Variants in RNASET2 observed in about 807,000 individuals in gnomAD.
RNASET2 encodes ribonuclease 6.
RNASET2 carries 28 observed loss-of-function variants against 33.9 expected under a neutral mutation model. The observed-to-expected ratio is 0.83, with a 90% CI of 0.61 to 1.13. The LOEUF is 1.13. Among genes scored for constraint, RNASET2 ranks in the 50% most tolerant of loss-of-function variants. The pLI is 0.00. For missense variants in RNASET2, 330 were observed against 319.9 expected (o/e 1.03, Z -0.24); for synonymous variants, 123 against 121.0 (o/e 1.02, Z -0.11).
At position 166,923,228 on chromosome 6, in the gene RNASET2, C is replaced by CTTT. The variant is rs576639665; in HGVS notation, c.*6357_*6359dup. ...ACAGGCGTGAGCCACCAGGCCCGGC[C>CTTT]TTTTTTTTTTTTTTTTTTTTTGAGA... On this transcript the variant is annotated 3_prime_UTR_variant, in exon 9 of 9. Transcript: ENST00000508775. Among the ~76,000 whole-genome samples the CTTT allele has an allele frequency of 4.3e-3, 439 of 102,642 alleles. 41 individuals are homozygous for CTTT. Among genetic ancestry groups the CTTT allele is most frequent in the African/African-American group, 0.02 (392 of 19,130 alleles). The allele number at this position is 102,642 out of a possible 152,430, so 67.3% of individuals were successfully genotyped here.
At chr6:166,955,585 C>T (rs1779144840) in intron 1 of RNASET2, 1 of 992,276 alleles carries the variant, frequency 1.0e-6, no homozygotes, top group South Asian at 4.4e-5. Context: ...AGTGCTCCAC[C>T]AAGCCTGCCA....
intron 8 of RNASET2, among the ~76,000 whole-genome samples, chr6:166,930,791 T>C (rs1778412795): frequency 7.0e-6 from 1 of 143,434 alleles, no homozygotes; most frequent in Admixed American, 7.0e-5. Flanking sequence ...ACATAGCACA[T>C]GCCCACATGC....
At chr6:166,930,833 C>A (rs764171588) in intron 8 of RNASET2, among the ~76,000 whole-genome samples, 4 of 146,088 alleles carry the variant, frequency 2.7e-5, no homozygotes, top group South Asian at 2.2e-4. Context: ...TAGCACATGC[C>A]CACATGCATG....
At chr6:166,929,982 C>T (rs1396954572) in intron 8 of RNASET2, among the ~76,000 whole-genome samples, 191 bp from the exon 9 acceptor site, 1 of 152,162 alleles carries the variant, frequency 6.6e-6, no homozygotes, top group Non-Finnish European at 1.5e-5. Context: ...AGGAGTGGCC[C>T]CAGGTGACTC....
intron 6 of RNASET2, among the ~76,000 whole-genome samples, chr6:166,935,470 G>A (rs1414862686): frequency 1.3e-5 from 2 of 152,136 alleles, no homozygotes; most frequent in East Asian, 3.9e-4. Flanking sequence ...GTGGGGAAAT[G>A]CAGCACCTAA....
chr6:166,939,415 T>C (rs895509769), intron 5 of RNASET2, among the ~76,000 whole-genome samples: 3 of 152,224 alleles, frequency 2.0e-5, no homozygotes, highest in African/African-American at 4.8e-5. Flanking sequence ...GTGGTAGGCA[T>C]GTCATTTCTT....
intron 1 of RNASET2, 118 bp from the exon 2 acceptor site, chr6:166,952,666 A>G (rs918984141): frequency 2.5e-6 from 2 of 795,102 alleles, no homozygotes; most frequent in Non-Finnish European, 2.2e-6. Flanking sequence ...GGGAGGAGGA[A>G]CACTGCCTGC....
At chr6:166,935,815 T>C (rs1778552712) in intron 6 of RNASET2, among the ~76,000 whole-genome samples, 1 of 152,112 alleles carries the variant, frequency 6.6e-6, no homozygotes, top group African/African-American at 2.4e-5. Context: ...GTAGCTAGGA[T>C]TACGTGCACC....
intron 1 of RNASET2, chr6:166,955,592 G>C (rs1457582369): frequency 5.0e-6 from 5 of 991,874 alleles, no homozygotes; most frequent in Admixed American, 6.0e-5. Flanking sequence ...CACCAAGCCT[G>C]CCACCTGCTT....
intron 6 of RNASET2, among the ~76,000 whole-genome samples, chr6:166,937,790 C>G (rs1778603088): frequency 6.6e-6 from 1 of 152,192 alleles, no homozygotes; most frequent in Non-Finnish European, 1.5e-5. Context: ...TAATGCCACG[C>G]GCTCTGGGAG....
chr6:166,955,744 C>T, intron 1 of RNASET2: 1 of 1,174,486 alleles, frequency 8.5e-7, no homozygotes, highest in Non-Finnish European at 1.1e-6. Context: ...CAACCCACTT[C>T]TTCCCAGGAG....
intron 1 of RNASET2, among the ~76,000 whole-genome samples, chr6:166,953,879 C>CAAAAAAAAAAAAAAA (rs548523987): frequency 2.7e-5 from 3 of 110,734 alleles, no homozygotes; most frequent in East Asian, 2.8e-4. Flanking sequence ...GACCCTGTCT[C>CAAAAAAAAAAAAAAA]AAAAAAAAAA....
chr6:166,947,562 C>T (rs1483079612), intron 3 of RNASET2, among the ~76,000 whole-genome samples: 1 of 152,174 alleles, frequency 6.6e-6, no homozygotes, highest in Non-Finnish European at 1.5e-5. Flanking sequence ...ACATTCAGAG[C>T]ACTTGGTCAC....
At chr6:166,952,660 G>A (rs1230667627) in intron 1 of RNASET2, 112 bp from the exon 2 acceptor site, 3 of 828,642 alleles carry the variant, frequency 3.6e-6, no homozygotes, top group African/African-American at 1.7e-5. Context: ...TGCTGTGGGA[G>A]GAGGAACACT....
chr6:166,955,249 GCACACACGCA>G (rs1366272668), intron 1 of RNASET2, among the ~76,000 whole-genome samples: 4,367 of 91,618 alleles, frequency 0.048, 152 homozygotes, highest in African/African-American at 0.07. Flanking sequence ...GCACACACAC[GCACACACGCA>G]CACACACACA....
chr6:166,943,224 C>T, intron 4 of RNASET2, 135 bp from the exon 5 acceptor site: 1 of 670,978 alleles, frequency 1.5e-6, no homozygotes, highest in South Asian at 1.6e-5. Flanking sequence ...TAAAATAATC[C>T]TATGCTTATT....
At position 166,929,695 on chromosome 6, in the gene RNASET2, G is replaced by A. The variant is rs765400725; in HGVS notation, c.664C>T (p.Pro222Ser). Residue 222 changes from proline (P) to serine (S), a missense_variant, in exon 9 of 9, where the codon CCC becomes TCC. By Grantham distance (74) the Pro-to-Ser change is moderately conservative (BLOSUM62 -1). Coordinates refer to ENST00000508775, the MANE Select transcript of RNASET2 (RefSeq NM_003730.6). ...NCTEPGEQPS[P>S]KQEVWLANGA... is the part of the protein sequence containing the mutation. The stretch of plus-strand genomic sequence containing the variant: ...TTTGCCAGCCAGACTTCCTGCTTGG[G>A]GGACGGCTGCTCCCCCGGCTCGGTG... The A allele has an allele frequency of 3.1e-6, 5 of 1,614,096 alleles. No homozygotes were observed. The highest frequency in any genetic ancestry group is 3.3e-5 in the Admixed American group (2 of 60,010).
At chr6:166,946,531 CA>C in intron 4 of RNASET2, 150 bp downstream of exon 4, 3 of 671,756 alleles carry the variant, frequency 4.5e-6, no homozygotes, top group Non-Finnish European at 8.2e-6. Context: ...GTCGAGATAA[CA>C]ATACTTACTA....
Position 166,927,740 on chromosome 6 carries a change from T to C in RNASET2, c.*1848A>G, listed in dbSNP as rs1050861162. Among the ~76,000 whole-genome samples the C allele has an allele frequency of 8.8e-6, 1 of 113,546 alleles. No individual in the cohort carries two copies. The highest frequency in any genetic ancestry group is 4.4e-5 in the African/African-American group (1 of 22,570). 74.5% of individuals were successfully genotyped at this position (113,546 alleles called of 152,430 possible). On this transcript the variant is annotated 3_prime_UTR_variant, in exon 9 of 9. Transcript: ENST00000508775. ...AAAAAAAAAAAAAAAAAAAAAAGAATTGACATCATTTAAAGGACTCTGAGG... is the reference window on the plus strand; with the variant it reads ...AAAAAAAAAAAAAAAAAAAAAAGAACTGACATCATTTAAAGGACTCTGAGG...
Sources: gnomAD v4.1 joint callset for allele counts (sites outside exome capture counted in the v4.1 genomes callset) on GRCh38, gnomAD v4.1.1 for gene constraint, MANE v1.5 for transcripts, NCBI Gene and HGNC (gene_info 2026-07-23, HGNC 2026-07-21) for gene names.